Variants in KIAA1217 observed in about 807,000 individuals in gnomAD.
KIAA1217 encodes the protein sickle tail protein homolog.
Under a neutral mutation model 163.9 loss-of-function variants are expected in KIAA1217, and 88 were observed. The ratio of observed to expected loss-of-function variants is 0.54; its 90% CI spans 0.45 to 0.64. The LOEUF is 0.64. Among genes scored for constraint, KIAA1217 ranks in the 30% least tolerant of loss-of-function variants. KIAA1217 has a pLI of 0.00. For missense variants in KIAA1217, 2,372 were observed against 2,475.0 expected (o/e 0.96, Z 0.88); for synonymous variants, 903 against 923.1 (o/e 0.98, Z 0.39).
intron 2 of KIAA1217, among the ~76,000 whole-genome samples, chr10:24,086,597 C>A (rs910723122): frequency 1.3e-5 from 2 of 151,866 alleles, no homozygotes; most frequent in African/African-American, 4.8e-5. Flanking sequence ...GGCTAATGTT[C>A]CATAAATGTC....
chr10:23,736,128 ATG>A (rs1838783593), intron 1 of KIAA1217, among the ~76,000 whole-genome samples: 1 of 144,600 alleles, frequency 6.9e-6, no homozygotes, highest in Admixed American at 6.9e-5. Context: ...AGGTAGTCAA[ATG>A]TATCAATCAT....
At chr10:23,879,728 GT>G (rs1343192290) in intron 1 of KIAA1217, among the ~76,000 whole-genome samples, 1 of 151,958 alleles carries the variant, frequency 6.6e-6, no homozygotes, top group African/African-American at 2.4e-5. Flanking sequence ...GTTAGCTAAA[GT>G]AGGAGGTGGG....
chr10:23,854,870 G>A (rs1473328377), intron 1 of KIAA1217, among the ~76,000 whole-genome samples: 11 of 152,168 alleles, frequency 7.2e-5, no homozygotes, highest in Admixed American at 7.2e-4. Context: ...TTGCTTGGTA[G>A]ATCTTCCTCC....
chr10:23,857,895 A>G (rs1839772699), intron 1 of KIAA1217, among the ~76,000 whole-genome samples: 1 of 152,086 alleles, frequency 6.6e-6, no homozygotes, highest in Non-Finnish European at 1.5e-5. Context: ...ATAGTTAGAA[A>G]CAGTGAAAAT....
At chr10:24,470,321 C>T (rs1003579106) in intron 5 of KIAA1217, among the ~76,000 whole-genome samples, 1 of 152,134 alleles carries the variant, frequency 6.6e-6, no homozygotes, top group Non-Finnish European at 1.5e-5. Flanking sequence ...GAGCATCAGT[C>T]AGGTGTATTA....
At chr10:23,828,928 T>C (rs1285712307) in intron 1 of KIAA1217, among the ~76,000 whole-genome samples, 2 of 152,204 alleles carry the variant, frequency 1.3e-5, no homozygotes, top group South Asian at 2.1e-4. Flanking sequence ...AGGGGTTTTG[T>C]TGAGTAATTA....
At chr10:24,200,181 T>C (rs114810401) in intron 2 of KIAA1217, among the ~76,000 whole-genome samples, 2,443 of 151,884 alleles carry the variant, frequency 0.016, 69 homozygotes, top group African/African-American at 0.055. Flanking sequence ...CTCATGGCTT[T>C]TGGTTGCTGT....
intron 13 of KIAA1217, among the ~76,000 whole-genome samples, chr10:24,525,090 G>T (rs569630749): frequency 6.6e-6 from 1 of 152,160 alleles, no homozygotes; most frequent in Admixed American, 6.5e-5. Context: ...GGGGTGGGGG[G>T]GCAGAGTGGG....
chr10:23,806,845 G>T (rs1836763389), intron 1 of KIAA1217, among the ~76,000 whole-genome samples: 1 of 152,192 alleles, frequency 6.6e-6, no homozygotes, highest in African/African-American at 2.4e-5. Context: ...GCTTACAAAT[G>T]CAGTTTCTTT....
At chr10:24,037,706 G>A (rs923369119) in intron 2 of KIAA1217, among the ~76,000 whole-genome samples, 6 of 152,198 alleles carry the variant, frequency 3.9e-5, no homozygotes, top group African/African-American at 1.4e-4. Context: ...TTCCCAGAGT[G>A]AGACAGGGTT....
chr10:23,981,109 A>G (rs1467307021), intron 1 of KIAA1217, among the ~76,000 whole-genome samples: 1 of 152,238 alleles, frequency 6.6e-6, no homozygotes, highest in Admixed American at 6.5e-5. Context: ...TGGAGCCTTT[A>G]CAAACACAGA....
Position 24,418,951 on chromosome 10 carries a change from C to T in KIAA1217, c.554-14044C>T, listed in dbSNP as rs528394587. Among the ~76,000 whole-genome samples the T allele has an allele frequency of 7.2e-5, 11 of 151,872 alleles. 1 individual carries two copies. The South Asian group carries it at 1.5e-3, about 20-fold the overall frequency. ...CAGCAATTTGGGAGGCCGAGGCAGG[C>T]GGATTACCTAAGGTCAGGAGTTTGA... On this transcript the variant is annotated intron_variant, in intron 3 of 20. Coordinates refer to ENST00000376454, the MANE Select transcript of KIAA1217 (RefSeq NM_019590.5).
At chr10:24,386,150 T>C (rs1007210384) in intron 3 of KIAA1217, among the ~76,000 whole-genome samples, 1 of 152,222 alleles carries the variant, frequency 6.6e-6, no homozygotes, top group African/African-American at 2.4e-5. Flanking sequence ...GAGACCTCAC[T>C]GACCAGCCCG....
intron 1 of KIAA1217, among the ~76,000 whole-genome samples, chr10:23,735,351 G>T (rs2130797281): frequency 6.6e-6 from 1 of 152,144 alleles, no homozygotes; most frequent in East Asian, 1.9e-4. Context: ...CTCTGCCTCA[G>T]CCTCCTGAGT....
At chr10:24,327,266 A>T (rs1390754757) in intron 2 of KIAA1217, among the ~76,000 whole-genome samples, 1 of 152,208 alleles carries the variant, frequency 6.6e-6, no homozygotes, top group Non-Finnish European at 1.5e-5. Context: ...ATATAAGTTC[A>T]TTGGGTTACC....
Position 24,090,587 on chromosome 10 carries a change from A to C in KIAA1217, c.-171+83213A>C, listed in dbSNP as rs188693441. On this transcript the variant is annotated intron_variant, in intron 2 of 18. Transcript: ENST00000376462. ...GTCTCTGCTTTCCAGTTTTTCTCAA[A>C]GAGCATTTTTGAGGAGGGACTGTGA... Among the ~76,000 whole-genome samples, 520 of 151,594 alleles carry C rather than the reference A, an allele frequency of 3.4e-3. 14 individuals carry two copies. Among genetic ancestry groups the C allele is most frequent in the African/African-American group, 0.012 (499 of 40,996 alleles).
intron 1 of KIAA1217, among the ~76,000 whole-genome samples, chr10:23,984,772 G>A (rs1043667529): frequency 7.9e-5 from 12 of 151,698 alleles, no homozygotes; most frequent in Non-Finnish European, 1.3e-4. Context: ...GGGGTTGGGG[G>A]CAAGGGGAGG....
chr10:23,972,096 T>G (rs1438125153), intron 1 of KIAA1217, among the ~76,000 whole-genome samples: 1 of 152,170 alleles, frequency 6.6e-6, no homozygotes, highest in Non-Finnish European at 1.5e-5. Flanking sequence ...CTGACCACTT[T>G]GGGTACATGT....
intron 1 of KIAA1217, among the ~76,000 whole-genome samples, chr10:23,786,776 A>G (rs920777075): frequency 2.0e-5 from 3 of 152,280 alleles, no homozygotes; most frequent in Admixed American, 6.5e-5. Flanking sequence ...GAGAGCACAC[A>G]GGAATGATAC....
Sources: allele counts gnomAD v4.1 joint callset (sites outside exome capture counted in the v4.1 genomes callset), GRCh38; gene constraint gnomAD v4.1.1; transcripts MANE v1.5; gene names NCBI Gene and HGNC (gene_info 2026-07-23, HGNC 2026-07-21).